The following BANK1 variants were observed in gnomAD, a reference collection of about 807,000 sequenced individuals.
The protein encoded by BANK1 is B-cell scaffold protein with ankyrin repeats.
Under a neutral mutation model 94.5 loss-of-function variants are expected in BANK1, and 95 were observed. That is an observed-to-expected ratio of 1.00 (90% CI 0.85 to 1.19). The LOEUF is 1.19. BANK1 is among the 50% of genes most tolerant of loss of function. BANK1 has a pLI of 0.00. For synonymous variants in BANK1, 334 were observed against 308.4 expected (o/e 1.08, Z -0.87); for missense variants, 987 against 932.2 (o/e 1.06, Z -0.77).
intron 7 of BANK1, among the ~76,000 whole-genome samples, chr4:101,964,755 A>T (rs183598219): frequency 6.6e-6 from 1 of 151,936 alleles, no homozygotes; most frequent in Non-Finnish European, 1.5e-5. Flanking sequence ...AATTAAAGAG[A>T]AGTATTCTTT....
chr4:101,800,403 T>A (rs1052004699), intron 1 of BANK1, among the ~76,000 whole-genome samples: 12 of 152,120 alleles, frequency 7.9e-5, no homozygotes, highest in Admixed American at 7.9e-4. Flanking sequence ...TCTTTTTTTG[T>A]TTTTTTGGTA....
chr4:101,986,032 G>T (rs1725471519), intron 7 of BANK1, among the ~76,000 whole-genome samples: 1 of 152,020 alleles, frequency 6.6e-6, no homozygotes. Context: ...CATTGTAATG[G>T]GATCTTAGGA....
At chr4:102,019,765 A>G (rs1333153933) in intron 7 of BANK1, among the ~76,000 whole-genome samples, 2 of 151,142 alleles carry the variant, frequency 1.3e-5, no homozygotes, top group Non-Finnish European at 3.0e-5. Flanking sequence ...AACCTAAGTA[A>G]GAAGCATTGG....
chr4:101,948,208 A>G (rs1276143900), intron 7 of BANK1, among the ~76,000 whole-genome samples: 2 of 152,132 alleles, frequency 1.3e-5, no homozygotes, highest in African/African-American at 2.4e-5. Flanking sequence ...GGAAGATCAC[A>G]TAATTTTTAA....
intron 7 of BANK1, among the ~76,000 whole-genome samples, chr4:101,978,024 T>G (rs939782074): frequency 2.0e-5 from 3 of 151,980 alleles, no homozygotes; most frequent in African/African-American, 7.2e-5. Flanking sequence ...AGTGCAATGG[T>G]GCAATCTTGG....
chr4:102,009,119 C>T (rs986222569), intron 7 of BANK1, among the ~76,000 whole-genome samples: 4 of 152,238 alleles, frequency 2.6e-5, no homozygotes, highest in African/African-American at 9.6e-5. Flanking sequence ...AGTAGGCCTT[C>T]TGTTGTTTTT....
rs1195161609 is a variant in BANK1 at position 101,792,475 on chromosome 4, T to G, written c.70+1525T>G. Among the ~76,000 whole-genome samples, 761 of 142,136 alleles carry G rather than the reference T, an allele frequency of 5.4e-3. 7 individuals carry two copies. Among genetic ancestry groups the G allele is most frequent in the African/African-American group, 0.019 (715 of 37,530 alleles). The allele number at this position is 142,136 out of a possible 152,430, so 93.2% of individuals were successfully genotyped here. ...TGTGTGTGTGTGTGTGTGTGTTTTT[T>G]TTTTTTTAATGAAGAGCTCCCTCTC... On this transcript the variant is annotated intron_variant, in intron 1 of 16. Transcript: ENST00000322953.
chr4:101,832,358 T>G (rs531254511), intron 2 of BANK1, among the ~76,000 whole-genome samples: 1 of 152,356 alleles, frequency 6.6e-6, no homozygotes, highest in South Asian at 2.1e-4. Context: ...TCTTCTTTTA[T>G]TTCATGAAGA....
intron 7 of BANK1, among the ~76,000 whole-genome samples, chr4:102,007,149 T>TATATATATATATATATATATATA (rs1726330292): frequency 9.0e-5 from 1 of 11,170 alleles, no homozygotes; most frequent in Non-Finnish European, 1.4e-4. Context: ...ATATATTTTA[T>TATATATATATATATATATATATA]ATATATATAT....
intron 1 of BANK1, among the ~76,000 whole-genome samples, chr4:101,827,382 AC>A (rs2148862224): frequency 6.6e-6 from 1 of 151,774 alleles, no homozygotes; most frequent in East Asian, 1.9e-4. Flanking sequence ...GAAAAATGAT[AC>A]AAAAAATATT....
chr4:102,007,075 TATATAAATATATATATAATATA>T (rs1181715595), intron 7 of BANK1, among the ~76,000 whole-genome samples: 1 of 99,406 alleles, frequency 1.0e-5, no homozygotes, highest in Non-Finnish European at 2.2e-5. Flanking sequence ...ATTTTATATA[TATATAAATATATATATAATATA>T]TTTATATATA....
intron 7 of BANK1, among the ~76,000 whole-genome samples, chr4:101,980,741 C>G (rs1265716026): frequency 1.3e-5 from 2 of 151,998 alleles, no homozygotes; most frequent in Non-Finnish European, 2.9e-5. Flanking sequence ...TTACCTTCAT[C>G]TTCTTTCATG....
chr4:101,932,806 A>G (rs568737132), intron 7 of BANK1, among the ~76,000 whole-genome samples: 1 of 151,670 alleles, frequency 6.6e-6, no homozygotes, highest in South Asian at 2.1e-4. Context: ...CCAACCTCTC[A>G]CAGATAGATT....
At chr4:101,914,307 C>G (rs539392970) in intron 6 of BANK1, among the ~76,000 whole-genome samples, 2 of 152,054 alleles carry the variant, frequency 1.3e-5, no homozygotes, top group African/African-American at 4.8e-5. Flanking sequence ...AGTTGCCTCC[C>G]CCAGCTCCAC....
At chr4:101,819,908 A>G (rs1050527119) in intron 1 of BANK1, among the ~76,000 whole-genome samples, 1 of 152,174 alleles carries the variant, frequency 6.6e-6, no homozygotes, top group African/African-American at 2.4e-5. Flanking sequence ...TTACACATTT[A>G]AAGTTGTAGA....
intron 1 of BANK1, among the ~76,000 whole-genome samples, chr4:101,828,126 G>A (rs904229250): frequency 7.2e-6 from 1 of 138,210 alleles, no homozygotes; most frequent in Non-Finnish European, 1.5e-5. Flanking sequence ...CTTTTTTCCA[G>A]AATTAATATT....
chr4:101,941,291 G>A (rs1227962873), intron 7 of BANK1, among the ~76,000 whole-genome samples: 7 of 151,590 alleles, frequency 4.6e-5, no homozygotes, highest in Admixed American at 4.6e-4. Flanking sequence ...TTCTGCCCCT[G>A]TCCTAGTATC....
At chr4:101,862,837 A>G (rs770382909) in intron 4 of BANK1, among the ~76,000 whole-genome samples, 173 bp downstream of exon 4, 1 of 152,064 alleles carries the variant, frequency 6.6e-6, no homozygotes, top group Non-Finnish European at 1.5e-5. Context: ...TTGCAAAAGT[A>G]AGAACATGTA....
At chr4:101,888,490 A>G (rs1427352416) in intron 5 of BANK1, among the ~76,000 whole-genome samples, 1 of 152,202 alleles carries the variant, frequency 6.6e-6, no homozygotes, top group African/African-American at 2.4e-5. Context: ...CCATGGGAGC[A>G]TAATTTATTC....
Sources: allele counts gnomAD v4.1 joint callset (sites outside exome capture counted in the v4.1 genomes callset), GRCh38; gene constraint gnomAD v4.1.1; transcripts MANE v1.5; gene names NCBI Gene and HGNC (gene_info 2026-07-23, HGNC 2026-07-21).